SLC9A9: variants seen among roughly 807,000 people sequenced by gnomAD.
SLC9A9 encodes sodium/hydrogen exchanger 9.
In SLC9A9, 62 loss-of-function variants were observed where a neutral mutation model predicts 77.8. The ratio of observed to expected loss-of-function variants is 0.80; its 90% CI spans 0.65 to 0.98. The LOEUF is 0.98. SLC9A9 is among the 50% of genes least tolerant of loss of function. SLC9A9 has a pLI of 0.00. For missense variants in SLC9A9, 775 were observed against 774.9 expected (o/e 1.00, Z 0.00); for synonymous variants, 320 against 283.5 (o/e 1.13, Z -1.29).
intron 11 of SLC9A9, among the ~76,000 whole-genome samples, chr3:143,475,364 G>A (rs576427690): frequency 6.6e-5 from 10 of 152,278 alleles, no homozygotes; most frequent in African/African-American, 2.4e-4. Context: ...CGCTTGGTAA[G>A]AGCTGACCTC....
At chr3:143,675,989 G>C (rs151290977) in intron 5 of SLC9A9, among the ~76,000 whole-genome samples, 1 of 152,084 alleles carries the variant, frequency 6.6e-6, no homozygotes, top group Non-Finnish European at 1.5e-5. Context: ...CAGGTTTCTC[G>C]TGGGGGATGG....
chr3:143,729,081 C>G (rs954570896), intron 4 of SLC9A9, among the ~76,000 whole-genome samples: 2 of 152,156 alleles, frequency 1.3e-5, no homozygotes, highest in African/African-American at 4.8e-5. Flanking sequence ...CAGTTCCACC[C>G]TCACGCCTTA....
chr3:143,802,971 C>T (rs777533031), intron 2 of SLC9A9, among the ~76,000 whole-genome samples: 9 of 152,148 alleles, frequency 5.9e-5, no homozygotes, highest in Non-Finnish European at 8.8e-5. Context: ...ACAGGAAATT[C>T]GCCAGGCTGC....
intron 12 of SLC9A9, among the ~76,000 whole-genome samples, chr3:143,391,976 T>C (rs2033578909): frequency 6.6e-6 from 1 of 152,192 alleles, no homozygotes; most frequent in East Asian, 1.9e-4. Flanking sequence ...TACATCTGAT[T>C]GGTGTACCTG....
At chr3:143,695,401 G>A (rs372949756) in intron 4 of SLC9A9, among the ~76,000 whole-genome samples, 1 of 151,998 alleles carries the variant, frequency 6.6e-6, no homozygotes, top group African/African-American at 2.4e-5. Flanking sequence ...TGTTCTCATT[G>A]TTCAGCTCCC....
At chr3:143,815,507 T>C (rs1261021978) in intron 2 of SLC9A9, among the ~76,000 whole-genome samples, 1 of 152,104 alleles carries the variant, frequency 6.6e-6, no homozygotes, top group Non-Finnish European at 1.5e-5. Context: ...AGCCCCTTTT[T>C]TGTTAGATTT....
chr3:143,348,323 T>C (rs2108471082), intron 14 of SLC9A9, among the ~76,000 whole-genome samples: 1 of 152,368 alleles, frequency 6.6e-6, no homozygotes, highest in African/African-American at 2.4e-5. Flanking sequence ...GATGGCAGTC[T>C]GTTGGACTTT....
chr3:143,440,387 G>C (rs908064709), intron 12 of SLC9A9, among the ~76,000 whole-genome samples: 3 of 152,204 alleles, frequency 2.0e-5, no homozygotes, highest in Non-Finnish European at 4.4e-5. Flanking sequence ...TTCACTGGGT[G>C]CTCTGGAGAA....
chr3:143,517,497 G>A (rs368075387), intron 9 of SLC9A9: 254 of 1,597,610 alleles, frequency 1.6e-4, no homozygotes, highest in Non-Finnish European at 1.9e-4. Context: ...TTGATCTCTC[G>A]CTCTTCACGT....
At chr3:143,755,092 A>G (rs2006877515) in intron 4 of SLC9A9, among the ~76,000 whole-genome samples, 1 of 152,228 alleles carries the variant, frequency 6.6e-6, no homozygotes. Flanking sequence ...GGCACCATCA[A>G]AACCTTGATA....
intron 8 of SLC9A9, 131 bp downstream of exon 8, chr3:143,573,957 T>G (rs1438233635): frequency 1.3e-6 from 1 of 773,318 alleles, no homozygotes; most frequent in Non-Finnish European, 2.2e-6. Flanking sequence ...AGGCTGATTC[T>G]GACCCAAACC....
At chr3:143,776,753 C>T (rs964852886) in intron 4 of SLC9A9, among the ~76,000 whole-genome samples, 3 of 152,146 alleles carry the variant, frequency 2.0e-5, no homozygotes, top group Non-Finnish European at 4.4e-5. Flanking sequence ...AGAATCTTTT[C>T]AACCATAAGT....
chr3:143,751,078 A>G (rs2006696873), intron 4 of SLC9A9, among the ~76,000 whole-genome samples: 1 of 152,144 alleles, frequency 6.6e-6, no homozygotes, highest in African/African-American at 2.4e-5. Flanking sequence ...CTTCAAGGAG[A>G]TAGGAAGTCA....
intron 4 of SLC9A9, among the ~76,000 whole-genome samples, chr3:143,702,174 C>A (rs527632939): frequency 6.6e-6 from 1 of 152,280 alleles, no homozygotes; most frequent in South Asian, 2.1e-4. Context: ...GAAGAGAGTT[C>A]TTTAACCTTA....
In SLC9A9 at chr3:143,318,022, C is replaced by T. The variant is rs540471780; in HGVS notation, c.1604+45462G>A. Among the ~76,000 whole-genome samples, 17 of 152,280 alleles carry T rather than the reference C, an allele frequency of 1.1e-4. 1 individual carries two copies. The highest frequency in any genetic ancestry group is 5.8e-4 in the East Asian group (3 of 5,178). On this transcript the variant is annotated intron_variant, in intron 14 of 15. Coordinates refer to ENST00000316549, the MANE Select transcript of SLC9A9 (RefSeq NM_173653.4). ...GATTACAGGCCTGAGCCACCGTGCC[C>T]GGCCTCATTTTCTTCCTTCTCTCCC...
At chr3:143,461,323 T>C (rs6793614) in intron 12 of SLC9A9, among the ~76,000 whole-genome samples, 1 of 151,954 alleles carries the variant, frequency 6.6e-6, no homozygotes, top group Non-Finnish European at 1.5e-5. Context: ...TGGAAAATGG[T>C]CTAAACCTTC....
intron 4 of SLC9A9, among the ~76,000 whole-genome samples, chr3:143,785,994 C>T (rs1236057209): frequency 1.9e-4 from 29 of 149,514 alleles, no homozygotes; most frequent in Admixed American, 5.3e-4. Flanking sequence ...GTAGCTGGGA[C>T]TACAGGCACG....
chr3:143,431,743 C>A (rs1462550656), intron 12 of SLC9A9, among the ~76,000 whole-genome samples: 1 of 151,968 alleles, frequency 6.6e-6, no homozygotes, highest in African/African-American at 2.4e-5. Flanking sequence ...AGTGAAAGGC[C>A]GAGTCCTTAC....
intron 8 of SLC9A9, among the ~76,000 whole-genome samples, chr3:143,554,578 G>C (rs1487945734): frequency 6.6e-6 from 1 of 152,098 alleles, no homozygotes; most frequent in Non-Finnish European, 1.5e-5. Flanking sequence ...GCCTCCCATG[G>C]TAGCCCCTAG....
Sources: allele counts gnomAD v4.1 joint callset (sites outside exome capture counted in the v4.1 genomes callset), GRCh38; gene constraint gnomAD v4.1.1; transcripts MANE v1.5; gene names NCBI Gene and HGNC (gene_info 2026-07-23, HGNC 2026-07-21).